The following TENM3 variants were observed in gnomAD, a reference collection of about 807,000 sequenced individuals.
The protein encoded by TENM3 is teneurin transmembrane protein 3.
In TENM3, 63 loss-of-function variants were observed where a neutral mutation model predicts 255.1. That is an observed-to-expected ratio of 0.25 (90% CI 0.20 to 0.30). TENM3 has a LOEUF of 0.30. Ranked by LOEUF, TENM3 falls within the 10% of genes least tolerant of loss-of-function variation. The probability of loss-of-function intolerance (pLI) is 1.00; values close to 1 mark genes in which losing one functional copy is unlikely to be tolerated. For missense variants in TENM3, 2,929 were observed against 3,461.1 expected (o/e 0.85, Z 3.86); for synonymous variants, 1,306 against 1,322.3 (o/e 0.99, Z 0.27).
chr4:181,880,172 ACTT>A, the TENM3 span, among the ~76,000 whole-genome samples: 3 of 152,044 alleles, frequency 2.0e-5, no homozygotes, highest in Admixed American at 1.3e-4. Context: ...ACCTTCCTCT[ACTT>A]CTTCTCTCCT....
In TENM3 at chr4:182,621,739, TATATAATA is replaced by T. The variant is rs1266056741; in HGVS notation, c.750-6911_750-6904del. 1.3e-3 allele frequency among the ~76,000 whole-genome samples: 40 copies of T among 31,842 alleles called. 1 individual carries two copies. Among genetic ancestry groups the T allele is most frequent in the African/African-American group, 2.4e-3 (24 of 10,172 alleles). The allele number at this position is 31,842 out of a possible 152,430, so 20.9% of individuals were successfully genotyped here. ...TATATATTATATATAAAATATATAATATATAATATATTATAATATATAATAATTATATA... is the reference window on the plus strand; with the variant it reads ...TATATATTATATATAAAATATATAATTATTATAATATATAATAATTATATA... On this transcript the variant is annotated intron_variant, in intron 4 of 27. Coordinates refer to ENST00000511685, the MANE Select transcript of TENM3 (RefSeq NM_001080477.4).
the TENM3 span, among the ~76,000 whole-genome samples, chr4:181,814,724 T>G: frequency 6.6e-6 from 1 of 152,108 alleles, no homozygotes; most frequent in Non-Finnish European, 1.5e-5. Context: ...ATGAAAATTA[T>G]GAAATAATTT....
chr4:182,066,835 C>T, the TENM3 span, among the ~76,000 whole-genome samples: 3 of 152,032 alleles, frequency 2.0e-5, no homozygotes, highest in Non-Finnish European at 2.9e-5. Flanking sequence ...GGCGTGAACC[C>T]GGGAGGCGGA....
At chr4:182,588,735 ATGTT>A (rs2152381989) in intron 3 of TENM3, among the ~76,000 whole-genome samples, 1 of 152,312 alleles carries the variant, frequency 6.6e-6, no homozygotes, top group African/African-American at 2.4e-5. Flanking sequence ...ATGTTTATGT[ATGTT>A]TCTGTTAGAA....
the TENM3 span, among the ~76,000 whole-genome samples, chr4:181,893,163 C>T: frequency 6.6e-6 from 1 of 152,022 alleles, no homozygotes; most frequent in Admixed American, 6.5e-5. Flanking sequence ...ATTATAAATA[C>T]ATTGAAGCAT....
chr4:181,835,863 G>A, the TENM3 span, among the ~76,000 whole-genome samples: 1 of 152,166 alleles, frequency 6.6e-6, no homozygotes, highest in South Asian at 2.1e-4. Context: ...GTCTGATTAA[G>A]AATGCAACAG....
intron 3 of TENM3, among the ~76,000 whole-genome samples, chr4:182,430,249 T>C (rs1459666826): frequency 6.6e-6 from 1 of 152,180 alleles, no homozygotes; most frequent in Non-Finnish European, 1.5e-5. Context: ...TGTAGCACAC[T>C]TAAAAAGAAC....
chr4:182,406,703 A>G (rs1769606637), intron 3 of TENM3, among the ~76,000 whole-genome samples: 1 of 152,044 alleles, frequency 6.6e-6, no homozygotes, highest in African/African-American at 2.4e-5. Flanking sequence ...TTATTCTCTA[A>G]CTCCTTCACG....
intron 1 of TENM3, among the ~76,000 whole-genome samples, chr4:182,163,584 T>A (rs1357474178): frequency 6.6e-6 from 1 of 152,228 alleles, no homozygotes; most frequent in Non-Finnish European, 1.5e-5. Context: ...CTACATCTAT[T>A]TAGCATTTAC....
At chr4:182,352,793 A>G (rs1029782455) in intron 3 of TENM3, among the ~76,000 whole-genome samples, 3 of 152,056 alleles carry the variant, frequency 2.0e-5, no homozygotes, top group Non-Finnish European at 4.4e-5. Flanking sequence ...TACCCCTCAA[A>G]CCAATTTGAT....
At chr4:181,721,440 CA>C in the TENM3 span, among the ~76,000 whole-genome samples, 13 of 141,268 alleles carry the variant, frequency 9.2e-5, no homozygotes, top group African/African-American at 3.1e-4. Flanking sequence ...ACTAAAAATA[CA>C]AAAAAAAAAT....
chr4:182,448,799 G>T (rs964877257), intron 3 of TENM3, among the ~76,000 whole-genome samples: 4 of 151,816 alleles, frequency 2.6e-5, no homozygotes, highest in Non-Finnish European at 5.9e-5. Context: ...TGTGTGGAGC[G>T]GGGCGAGGGG....
chr4:181,749,091 A>G, the TENM3 span, among the ~76,000 whole-genome samples: 3 of 152,144 alleles, frequency 2.0e-5, no homozygotes, highest in South Asian at 2.1e-4. Flanking sequence ...CTAAGTGGTT[A>G]TTCTCTAAAC....
chr4:182,024,398 T>C, the TENM3 span, among the ~76,000 whole-genome samples: 10 of 152,338 alleles, frequency 6.6e-5, no homozygotes, highest in Non-Finnish European at 1.5e-4. Context: ...CTACCTGTTA[T>C]GGGGATGGGT....
chr4:182,106,572 C>G, the TENM3 span, among the ~76,000 whole-genome samples: 2 of 152,148 alleles, frequency 1.3e-5, no homozygotes, highest in Admixed American at 6.5e-5. Flanking sequence ...TATAGGTGAG[C>G]CTTTTGCTTG....
chr4:181,516,639 G>T, the TENM3 span, among the ~76,000 whole-genome samples: 1 of 152,072 alleles, frequency 6.6e-6, no homozygotes, highest in Admixed American at 6.5e-5. Context: ...AGCTGGATGT[G>T]GTGGCACATG....
the TENM3 span, among the ~76,000 whole-genome samples, chr4:181,596,194 T>C: frequency 6.6e-6 from 1 of 152,198 alleles, no homozygotes; most frequent in Non-Finnish European, 1.5e-5. Flanking sequence ...AATGCATACA[T>C]GTATTGCTCT....
the TENM3 span, among the ~76,000 whole-genome samples, chr4:181,604,174 A>T: frequency 1.3e-5 from 2 of 152,118 alleles, no homozygotes; most frequent in Admixed American, 6.5e-5. Context: ...CTGAGGCAGG[A>T]GAATGGCGTG....
the TENM3 span, among the ~76,000 whole-genome samples, chr4:181,700,234 T>C: frequency 0.022 from 3,324 of 151,112 alleles, 62 homozygotes; most frequent in Middle Eastern, 0.034. Flanking sequence ...CAGGGTCTTT[T>C]TTTTTTTTCT....
Sources: gnomAD v4.1 joint callset for allele counts (sites outside exome capture counted in the v4.1 genomes callset) on GRCh38, gnomAD v4.1.1 for gene constraint, MANE v1.5 for transcripts, NCBI Gene and HGNC (gene_info 2026-07-23, HGNC 2026-07-21) for gene names.